Variants in TDRD1 observed in about 807,000 individuals in gnomAD.
The protein encoded by TDRD1 is tudor domain containing 1, also known as tudor domain-containing protein 1.
A neutral mutation model predicts 140.6 loss-of-function variants in TDRD1; 37 were observed. The observed-to-expected ratio is 0.26, with a 90% CI of 0.20 to 0.35. The LOEUF (loss-of-function observed/expected upper bound fraction) is 0.35. Among genes scored for constraint, TDRD1 ranks in the 10% least tolerant of loss-of-function variants. The pLI, the probability that TDRD1 is intolerant of heterozygous loss-of-function variation, is 1.00. For synonymous variants in TDRD1, 506 were observed against 475.7 expected (o/e 1.06, Z -0.83); for missense variants, 1,243 against 1,393.0 (o/e 0.89, Z 1.71).
intron 4 of TDRD1, among the ~76,000 whole-genome samples, chr10:114,199,838 C>A (rs1235343984): frequency 6.6e-6 from 1 of 152,112 alleles, no homozygotes; most frequent in Non-Finnish European, 1.5e-5. Context: ...ATGGTTATAC[C>A]ATAGTCAAAC....
At chr10:114,207,920 A>G (rs1033277779) in intron 11 of TDRD1, among the ~76,000 whole-genome samples, 1 of 151,948 alleles carries the variant, frequency 6.6e-6, no homozygotes, top group African/African-American at 2.4e-5. Context: ...ATTATGTGGG[A>G]TAGAGAAATT....
intron 3 of TDRD1, among the ~76,000 whole-genome samples, chr10:114,193,862 C>T (rs1325026385): frequency 6.6e-6 from 1 of 152,170 alleles, no homozygotes; most frequent in South Asian, 2.1e-4. Context: ...CTTTATCAAG[C>T]TGATGAAGTT....
At chr10:114,218,419 G>A (rs759684427) in exon 18 of TDRD1, 3 of 1,573,774 alleles carry the variant, frequency 1.9e-6, no homozygotes, top group South Asian at 2.4e-5. Context: ...CCTAGGTGAT[G>A]GTAGTTGGTA....
At position 114,222,682 on chromosome 10, in the gene TDRD1, G is replaced by A. The variant is rs199536592; in HGVS notation, c.2986G>A (p.Ala996Thr). The change falls in exon 21 of 26, where the codon GCA becomes ACA. Residue 996 changes from alanine to threonine, a missense_variant. By Grantham distance (58) the Ala-to-Thr change is moderately conservative. Transcript: ENST00000251864. ...ACCCTATAGACCAAGAATTGGAGACGCATGCTGTGCCAAATACACAAGTAA... is the reference window on the plus strand; with the variant it reads ...ACCCTATAGACCAAGAATTGGAGACACATGCTGTGCCAAATACACAAGTAA... The A allele has an allele frequency of 5.0e-6, 8 of 1,602,668 alleles. No homozygotes were observed. Among genetic ancestry groups the A allele is most frequent in the Non-Finnish European group, 4.3e-6 (5 of 1,171,268 alleles).
chr10:114,197,401 TACTC>T (rs992624909), intron 3 of TDRD1, among the ~76,000 whole-genome samples: 1 of 152,232 alleles, frequency 6.6e-6, no homozygotes, highest in Non-Finnish European at 1.5e-5. Flanking sequence ...AGTTTTAAAA[TACTC>T]ATTTGGTTCT....
intron 10 of TDRD1, among the ~76,000 whole-genome samples, chr10:114,205,934 A>G (rs1466096578): frequency 6.6e-6 from 1 of 152,190 alleles, no homozygotes; most frequent in Non-Finnish European, 1.5e-5. Context: ...TGTTTATTTC[A>G]CATGGCATGC....
chr10:114,199,281 C>CTT lies in TDRD1; in HGVS notation c.494_495dup (p.Arg166PhefsTer15). ...GCTCTTCACCTCCTTAGGACCTCCT[C>CTT]TTCGGTCCACAACTTGCCATCGCTG... On this transcript the variant is annotated frameshift_variant, in exon 4 of 26. Coordinates refer to ENST00000251864, the Ensembl canonical transcript of TDRD1. LOFTEE classifies it high-confidence loss of function. 1 of 1,613,464 alleles carries CTT rather than the reference C, an allele frequency of 6.2e-7. No homozygotes were observed. Among genetic ancestry groups the CTT allele is most frequent in the Non-Finnish European group, 8.5e-7 (1 of 1,179,824 alleles).
At chr10:114,227,988 C>T (rs762101381) in intron 24 of TDRD1, 32 bp downstream of exon 24, 9 of 1,611,620 alleles carry the variant, frequency 5.6e-6, no homozygotes, top group Non-Finnish European at 1.7e-6. Flanking sequence ...TGAAATTATA[C>T]TCCTAACGTT....
chr10:114,214,157 G>A (rs964011298), intron 16 of TDRD1, 43 bp downstream of exon 16: 4 of 1,572,148 alleles, frequency 2.5e-6, no homozygotes, highest in Non-Finnish European at 3.5e-6. Flanking sequence ...CAAATACATT[G>A]GCATAGATAA....
At chr10:114,206,383 T>A in intron 11 of TDRD1, 53 bp downstream of exon 11, 1 of 1,448,734 alleles carries the variant, frequency 6.9e-7, no homozygotes, top group Non-Finnish European at 9.6e-7. Context: ...TTGAAGACCA[T>A]CTACCTACTA....
intron 2 of TDRD1, among the ~76,000 whole-genome samples, chr10:114,188,473 G>A (rs114192847): frequency 0.019 from 2,893 of 152,256 alleles, 98 homozygotes; most frequent in African/African-American, 0.067. Context: ...TAAAAATACT[G>A]TGCAAACTTC....
At chr10:114,195,942 G>A (rs1274025664) in intron 3 of TDRD1, among the ~76,000 whole-genome samples, 1 of 152,074 alleles carries the variant, frequency 6.6e-6, no homozygotes, top group Non-Finnish European at 1.5e-5. Context: ...ACGGTATCAT[G>A]TATACACAAC....
intron 10 of TDRD1, 55 bp downstream of exon 10, chr10:114,204,948 T>C: frequency 3.4e-6 from 5 of 1,451,744 alleles, no homozygotes; most frequent in Non-Finnish European, 4.6e-6. Flanking sequence ...TTTCCACCTG[T>C]TACTCAGAAG....
At chr10:114,226,420 T>C (rs765662584) in intron 22 of TDRD1, among the ~76,000 whole-genome samples, 36 of 152,226 alleles carry the variant, frequency 2.4e-4, no homozygotes, top group Admixed American at 6.5e-4. Context: ...GTCTTTGTTT[T>C]GTAGATTAGT....
chr10:114,184,436 A>C (rs1366806325), intron 1 of TDRD1, among the ~76,000 whole-genome samples: 1 of 152,176 alleles, frequency 6.6e-6, no homozygotes, highest in Non-Finnish European at 1.5e-5. Flanking sequence ...ATTACTCCCT[A>C]ATTACAAAAT....
chr10:114,191,792 C>T (rs2033983054), intron 3 of TDRD1, among the ~76,000 whole-genome samples: 2 of 152,132 alleles, frequency 1.3e-5, no homozygotes, highest in Admixed American at 1.3e-4. Flanking sequence ...AAGAAACTGC[C>T]AAATATTTTC....
At chr10:114,197,542 A>G (rs1428413114) in intron 3 of TDRD1, among the ~76,000 whole-genome samples, 1 of 148,554 alleles carries the variant, frequency 6.7e-6, no homozygotes, top group African/African-American at 2.5e-5. Flanking sequence ...TGTCATCTTG[A>G]TGTTGGGCGC....
At chr10:114,192,292 CTTTTTTTTTTT>C (rs938140798) in intron 3 of TDRD1, among the ~76,000 whole-genome samples, 3 of 75,112 alleles carry the variant, frequency 4.0e-5, no homozygotes, top group South Asian at 4.4e-4. Flanking sequence ...GATAGTTTTC[CTTTTTTTTTTT>C]TTTTTTTTTT....
chr10:114,199,257 C>T (rs933164283), exon 4 of TDRD1: 3 of 1,613,914 alleles, frequency 1.9e-6, no homozygotes, highest in Non-Finnish European at 2.5e-6. Flanking sequence ...TAATCCAGGG[C>T]TCTTCACCTC....
Sources: gnomAD v4.1 joint callset for allele counts (sites outside exome capture counted in the v4.1 genomes callset) on GRCh38, gnomAD v4.1.1 for gene constraint, MANE v1.5 for transcripts, NCBI Gene and HGNC (gene_info 2026-07-23, HGNC 2026-07-21) for gene names.